Variants in EDC4 observed in about 807,000 individuals in gnomAD.
EDC4 encodes the protein enhancer of mRNA decapping 4.
In EDC4, 64 loss-of-function variants were observed where a neutral mutation model predicts 155.8. The observed-to-expected ratio is 0.41, with a 90% CI of 0.34 to 0.51. The LOEUF is 0.51. EDC4 is among the 20% of genes least tolerant of loss of function. The pLI is 0.19. For missense variants in EDC4, 1,303 were observed against 1,812.5 expected, an observed-to-expected ratio of 0.72 and a Z score of 5.10; for synonymous variants, 684 against 716.8, an observed-to-expected ratio of 0.95 and a Z score of 0.73.
rs2058026308 is a variant in EDC4, at chr16:67,873,160, C to T, written c.-102C>T. Reference sequence around the variant, plus strand: ...AACTGCGGGTGGACTGTGTAGTGACCGGCGTCCCGCTGTCTCGCCCCGTGG... The same window carrying T: ...AACTGCGGGTGGACTGTGTAGTGACTGGCGTCCCGCTGTCTCGCCCCGTGG... On this transcript the variant is annotated 5_prime_UTR_variant, in exon 1 of 29. Coordinates refer to ENST00000358933, the MANE Select transcript of EDC4 (RefSeq NM_014329.5). 2.2e-6 allele frequency: 2 copies of T among 911,846 alleles called. No homozygotes were observed. Among genetic ancestry groups the T allele is most frequent in the African/African-American group, 3.5e-5 (2 of 56,416 alleles). 56.5% of individuals were successfully genotyped at this position (911,846 alleles called of 1,614,324 possible). A position where few individuals can be genotyped will look rare whatever the true frequency, so the allele number is the denominator to read the frequency against.
At chr16:67,875,397 ATC>A (rs761961653) in intron 1 of EDC4, among the ~76,000 whole-genome samples, 1 of 152,076 alleles carries the variant, frequency 6.6e-6, no homozygotes, top group Non-Finnish European at 1.5e-5. Context: ...CTAGGCCTTG[ATC>A]TCTCTCACCC....
At position 67,880,103 on chromosome 16, in the gene EDC4, G is replaced by T; in HGVS notation, c.1984G>T (p.Asp662Tyr). The T allele has an allele frequency of 1.9e-6, 3 of 1,612,240 alleles. No homozygotes were observed. The highest frequency in any genetic ancestry group is 1.7e-5 in the Admixed American group (1 of 59,910). ...ELTLSPKLQL[D>Y]GSLTMSSSGS... ...GACCTTGAGCCCCAAGCTGCAGCTG[G>T]ATGGCAGCCTGACAATGAGCAGCAG... The change falls in exon 17 of 29, where the codon GAT (aspartate) becomes TAT (tyrosine). Residue 662 changes from aspartate (D) to tyrosine (Y), a missense_variant. This residue lies in a region of EDC4 where 391 missense variants were observed against 445.4 expected (regional missense o/e 0.88). Transcript: ENST00000358933. This position sits in a 1 kb window ranked among gnomAD's most constrained non-coding sequence, Gnocchi z 5.2.
At position 67,880,007 on chromosome 16, in the gene EDC4, C is replaced by G. The variant is rs756823229; in HGVS notation, c.1943+36C>G. 1.4e-5 allele frequency: 22 copies of G among 1,591,214 alleles called. No homozygotes were observed. The highest frequency in any genetic ancestry group is 1.7e-5 in the Non-Finnish European group (20 of 1,165,316). The stretch of plus-strand genomic sequence containing the variant: ...GGTCAGAGATGGAGGATGGCAGGGG[C>G]TGGTACCAGATGATGCCAAGCTCTG... On this transcript the variant is annotated intron_variant, in intron 16 of 28. Transcript: ENST00000358933. This position sits in a 1 kb window ranked among gnomAD's most constrained non-coding sequence, Gnocchi z 5.2.
Position 67,882,106 on chromosome 16 carries a change from C to A in EDC4, c.3157C>A (p.Pro1053Thr). 6.2e-7 allele frequency: 1 copy of A among 1,613,848 alleles called. No homozygotes were observed. The highest frequency in any genetic ancestry group is 8.5e-7 in the Non-Finnish European group (1 of 1,180,018). The change falls in exon 23 of 29, where the codon CCA becomes ACA. Residue 1053 changes from proline to threonine, a missense_variant. Coordinates refer to ENST00000358933, the MANE Select transcript of EDC4 (RefSeq NM_014329.5). This position sits in a 1 kb window ranked among gnomAD's most constrained non-coding sequence, Gnocchi z 7.2. ...GGATGAGATCAAGAAGACAGTCCCT[C>A]CATGTGAGTTTTGCATGCAGACTCC... ...IRDEIKKTVP[P>T]CVSRSLEPMA...
Position 67,876,634 on chromosome 16 carries a change from C to T in EDC4, c.351+35C>T, listed in dbSNP as rs760169301. 6.2e-6 allele frequency: 10 copies of T among 1,609,818 alleles called. No homozygotes were observed. Among genetic ancestry groups the T allele is most frequent in the African/African-American group, 4.0e-5 (3 of 74,810 alleles). On this transcript the variant is annotated intron_variant, in intron 3 of 28. Coordinates refer to ENST00000358933, the MANE Select transcript of EDC4 (RefSeq NM_014329.5). The surrounding 1 kb of genome is among the most constrained non-coding windows in gnomAD (Gnocchi z 5.8). Reference sequence around the variant, plus strand: ...GGGATGCTGTGGCATATATAATGTACGGGGGCACACCCAGCCTTTCCAGTC... The same window carrying T: ...GGGATGCTGTGGCATATATAATGTATGGGGGCACACCCAGCCTTTCCAGTC...
At position 67,883,139 on chromosome 16, in the gene EDC4, C is replaced by T; in HGVS notation, c.3811C>T (p.Leu1271=). ...CQAQQAHILQ[L]LQQGHLNQAF... is the part of the protein sequence containing the mutation. ...GGCCCAGCAAGCCCATATCCTGCAG[C>T]TGCTGCAGCAGGGCCACCTCAATCA... Residue 1271 remains leucine (L), a synonymous_variant, in exon 27 of 29, where the codon CTG becomes TTG. Coordinates refer to ENST00000358933, the MANE Select transcript of EDC4 (RefSeq NM_014329.5). The surrounding 1 kb of genome is among the most constrained non-coding windows in gnomAD (Gnocchi z 5.3). 6.2e-7 allele frequency: 1 copy of T among 1,601,926 alleles called. No homozygotes were observed. Among genetic ancestry groups the T allele is most frequent in the Non-Finnish European group, 8.5e-7 (1 of 1,175,134 alleles).
chr16:67,882,447 G>C lies in EDC4; in HGVS notation c.3295G>C (p.Ala1099Pro), dbSNP rs577891054. 1.2e-6 allele frequency: 2 copies of C among 1,613,742 alleles called. No individual in the cohort carries two copies. Among genetic ancestry groups the C allele is most frequent in the South Asian group, 2.2e-5 (2 of 91,078 alleles). Reference protein sequence around the residue: ...LKSKNLTDAIARAAADTLQGP... With the variant: ...LKSKNLTDAIPRAAADTLQGP... The stretch of plus-strand genomic sequence containing the variant: ...ACCCCAGAACTTGACTGATGCCATC[G>C]CCCGAGCAGCTGCAGACACATTACA... The change falls in exon 25 of 29, where the codon GCC (alanine) becomes CCC (proline). Residue 1099 changes from alanine to proline, a missense_variant. Transcript: ENST00000358933. The surrounding 1 kb of genome is among the most constrained non-coding windows in gnomAD (Gnocchi z 7.2).
Position 67,877,910 on chromosome 16 carries a change from A to G in EDC4, c.894+65A>G. 2 of 1,596,442 alleles carry G rather than the reference A, an allele frequency of 1.3e-6. No individual in the cohort carries two copies. The highest frequency in any genetic ancestry group is 1.7e-6 in the Non-Finnish European group (2 of 1,170,790). ...TCCTCATATCCATCTTCTGTTCCCT[A>G]TATCCACAGCTGCCCGGGCAGCTTT... On this transcript the variant is annotated intron_variant, in intron 7 of 28. Coordinates refer to ENST00000358933, the MANE Select transcript of EDC4 (RefSeq NM_014329.5). The surrounding 1 kb of genome is among the most constrained non-coding windows in gnomAD (Gnocchi z 4.9).
In EDC4 at chr16:67,880,847, T is replaced by C. The variant is rs2058064350; in HGVS notation, c.2388T>C (p.Asp796=). The change falls in exon 18 of 29, where the codon GAT becomes GAC. Residue 796 remains aspartate, a synonymous_variant. Coordinates refer to ENST00000358933, the MANE Select transcript of EDC4 (RefSeq NM_014329.5). The surrounding 1 kb of genome is among the most constrained non-coding windows in gnomAD (Gnocchi z 5.2). The part of the protein sequence containing the change: ...GPELGPQLGL[D]GGPGDGDRHN... Reference sequence around the variant, plus strand: ...AGCTCGGCCCCCAGCTCGGGCTTGATGGAGGCCCTGGGGATGGAGATCGGC... The same window carrying C: ...AGCTCGGCCCCCAGCTCGGGCTTGACGGAGGCCCTGGGGATGGAGATCGGC... 1 of 1,613,924 alleles carries C rather than the reference T, an allele frequency of 6.2e-7. No homozygotes were observed. Among genetic ancestry groups the C allele is most frequent in the Non-Finnish European group, 8.5e-7 (1 of 1,179,994 alleles).
In EDC4 at chr16:67,876,427, A is replaced by G. The variant is rs2058041821; in HGVS notation, c.240-61A>G. The G allele has an allele frequency of 6.3e-7, 1 of 1,593,734 alleles. No individual in the cohort carries two copies. Among genetic ancestry groups the G allele is most frequent in the South Asian group, 1.1e-5 (1 of 88,264 alleles). ...TCTGGCTATGTCCTCGCTTCCTCCC[A>G]ACCCTGCCCGCTGAGCCTTTGGGTG... On this transcript the variant is annotated intron_variant, in intron 2 of 28. Coordinates refer to ENST00000358933, the MANE Select transcript of EDC4 (RefSeq NM_014329.5). The surrounding 1 kb of genome is among the most constrained non-coding windows in gnomAD (Gnocchi z 5.8).
rs888157247 is a variant in EDC4 at position 67,873,105 on chromosome 16, T to G, written c.-157T>G. On this transcript the variant is annotated 5_prime_UTR_variant, in exon 1 of 29. Coordinates refer to ENST00000358933, the MANE Select transcript of EDC4 (RefSeq NM_014329.5). ...AGGCGGTTGGTGGGGTTGGCGGGGC[T>G]CAGCGACGCTGCGCGGGTGGCGGTT... is the stretch of plus-strand genomic sequence containing the variant. 2.2e-5 allele frequency: 11 copies of G among 506,880 alleles called. 1 individual carries two copies. The highest frequency in any genetic ancestry group is 1.3e-4 in the Admixed American group (3 of 22,598). 31.4% of individuals were successfully genotyped at this position (506,880 alleles called of 1,614,324 possible).
chr16:67,877,951 G>T lies in EDC4; in HGVS notation c.894+106G>T, dbSNP rs553326569. 3 of 1,532,050 alleles carry T rather than the reference G, an allele frequency of 2.0e-6. No individual in the cohort carries two copies. The highest frequency in any genetic ancestry group is 2.0e-5 in the Admixed American group (1 of 50,836). 94.9% of individuals were successfully genotyped at this position (1,532,050 alleles called of 1,614,324 possible). ...GGGCAGCTTTACTAGCATTCTGCCC[G>T]TGGGGACTCTGAGCTCAAATTGGCC... On this transcript the variant is annotated intron_variant, in intron 7 of 28. Coordinates refer to ENST00000358933, the MANE Select transcript of EDC4 (RefSeq NM_014329.5). This position sits in a 1 kb window ranked among gnomAD's most constrained non-coding sequence, Gnocchi z 4.9.
intron 1 of EDC4, 137 bp from the exon 2 acceptor site, chr16:67,875,808 G>A (rs932740220): frequency 1.6e-5 from 24 of 1,485,828 alleles, no homozygotes; most frequent in Non-Finnish European, 2.0e-5. Flanking sequence ...TGAACACAGG[G>A]CCCTCCTCCT....
At position 67,876,183 on chromosome 16, in the gene EDC4, G is replaced by C; in HGVS notation, c.239+82G>C. ...TGAAGGCATGAGATGGGGAGTGAGCGGGGCCAGCAGCCTCTGCTGCTTCCT... is the reference window on the plus strand; with the variant it reads ...TGAAGGCATGAGATGGGGAGTGAGCCGGGCCAGCAGCCTCTGCTGCTTCCT... On this transcript the variant is annotated intron_variant, in intron 2 of 28. Coordinates refer to ENST00000358933, the MANE Select transcript of EDC4 (RefSeq NM_014329.5). This position sits in a 1 kb window ranked among gnomAD's most constrained non-coding sequence, Gnocchi z 5.8. 1 of 1,436,490 alleles carries C rather than the reference G, an allele frequency of 7.0e-7. No individual in the cohort carries two copies. The highest frequency in any genetic ancestry group is 9.7e-7 in the Non-Finnish European group (1 of 1,035,986). The allele number at this position is 1,436,490 out of a possible 1,614,324, so 89.0% of individuals were successfully genotyped here.
intron 1 of EDC4, 179 bp downstream of exon 1, chr16:67,873,522 C>A: frequency 4.2e-6 from 2 of 472,342 alleles, no homozygotes; most frequent in South Asian, 7.5e-5. Context: ...GTGACCCCTC[C>A]CTATCTTGTC....
At chr16:67,873,898 T>C (rs2058031643) in intron 1 of EDC4, among the ~76,000 whole-genome samples, 1 of 152,220 alleles carries the variant, frequency 6.6e-6, no homozygotes, top group South Asian at 2.1e-4. Flanking sequence ...CTGACTGAAT[T>C]ATGCTACAAA....
chr16:67,879,556 GAT>G lies in EDC4; in HGVS notation c.1634-30_1634-29del. 1 of 1,613,748 alleles carries G rather than the reference GAT, an allele frequency of 6.2e-7. No homozygotes were observed. ...GTAAGTTGGACTGACCAGGGTCTGAGATCTAACTCAAGTGGCAACTTGCCCTG... is the reference window on the plus strand; with the variant it reads ...GTAAGTTGGACTGACCAGGGTCTGAGCTAACTCAAGTGGCAACTTGCCCTG... On this transcript the variant is annotated intron_variant, in intron 14 of 28. Coordinates refer to ENST00000358933, the MANE Select transcript of EDC4 (RefSeq NM_014329.5). This position sits in a 1 kb window ranked among gnomAD's most constrained non-coding sequence, Gnocchi z 6.0.
Position 67,878,928 on chromosome 16 carries a change from G to A in EDC4, c.1288-29G>A, listed in dbSNP as rs2058053001. On this transcript the variant is annotated intron_variant, in intron 11 of 28. Coordinates refer to ENST00000358933, the MANE Select transcript of EDC4 (RefSeq NM_014329.5). This position sits in a 1 kb window ranked among gnomAD's most constrained non-coding sequence, Gnocchi z 5.2. ...GCGCATCACAGCCCTTAGCCTCTGA[G>A]CTCAGCTAGGAACGTTCTGCCTGTG... 1 of 1,610,542 alleles carries A rather than the reference G, an allele frequency of 6.2e-7. No homozygotes were observed. The highest frequency in any genetic ancestry group is 1.3e-5 in the African/African-American group (1 of 74,932).
In EDC4 at chr16:67,879,196, A is replaced by G. The variant is rs919910917; in HGVS notation, c.1469-41A>G. 1.2e-6 allele frequency: 2 copies of G among 1,614,098 alleles called. No individual in the cohort carries two copies. The highest frequency in any genetic ancestry group is 1.3e-5 in the African/African-American group (1 of 74,944). ...TATATCTAGGGGGTTGTGGAGGCAC[A>G]GAGAGGGCCAGGGGCTTCATCATCC... On this transcript the variant is annotated intron_variant, in intron 12 of 28. Coordinates refer to ENST00000358933, the MANE Select transcript of EDC4 (RefSeq NM_014329.5). The surrounding 1 kb of genome is among the most constrained non-coding windows in gnomAD (Gnocchi z 6.0).
Sources: allele counts gnomAD v4.1 joint callset (sites outside exome capture counted in the v4.1 genomes callset), GRCh38; gene constraint gnomAD v4.1.1; regional missense constraint gnomAD v4.1.1; non-coding constraint Gnocchi (gnomAD v3.1); transcripts MANE v1.5; gene names NCBI Gene and HGNC (gene_info 2026-07-23, HGNC 2026-07-21).